VAMP5: variants seen among roughly 807,000 people sequenced by gnomAD.
The protein encoded by VAMP5 is vesicle-associated membrane protein 5.
Under a neutral mutation model 8.1 loss-of-function variants are expected in VAMP5, and 10 were observed. That is an observed-to-expected ratio of 1.23 (90% CI 0.76 to 2.09). The LOEUF (loss-of-function observed/expected upper bound fraction) is 2.09, where lower values mean the gene tolerates loss of function less well. VAMP5 is among the 30% of genes most tolerant of loss of function. The pLI is 0.00. For synonymous variants in VAMP5, 62 were observed against 60.6 expected (o/e 1.02, Z -0.11); for missense variants, 135 against 152.5 (o/e 0.89, Z 0.60).
At chr2:85,591,960 C>A in intron 2 of VAMP5, 98 bp downstream of exon 2, 1 of 1,548,442 alleles carries the variant, frequency 6.5e-7, no homozygotes, top group Admixed American at 1.8e-5. Context: ...GGGGTTGAGG[C>A]CTTCTTGAGG....
chr2:85,584,712 G>T (rs757600006), intron 1 of VAMP5, among the ~76,000 whole-genome samples: 1 of 152,254 alleles, frequency 6.6e-6, no homozygotes, highest in East Asian at 1.9e-4. Flanking sequence ...TGGCTGCACC[G>T]CGCAGAGCGA....
intron 1 of VAMP5, among the ~76,000 whole-genome samples, chr2:85,589,280 G>C (rs1573350329): frequency 6.6e-6 from 1 of 152,308 alleles, no homozygotes; most frequent in East Asian, 1.9e-4. Context: ...TGCCAGCAGA[G>C]ACCTGTGTAT....
At chr2:85,591,078 C>A (rs1280555877) in intron 1 of VAMP5, among the ~76,000 whole-genome samples, 1 of 152,226 alleles carries the variant, frequency 6.6e-6, no homozygotes, top group Non-Finnish European at 1.5e-5. Flanking sequence ...ACCGGTACCA[C>A]TGAGGTTCCC....
chr2:85,593,203 T>G lies in VAMP5; in HGVS notation c.*46T>G. 1.2e-6 allele frequency: 2 copies of G among 1,605,586 alleles called. No individual in the cohort carries two copies. Among genetic ancestry groups the G allele is most frequent in the Non-Finnish European group, 1.7e-6 (2 of 1,175,716 alleles). On this transcript the variant is annotated 3_prime_UTR_variant, in exon 3 of 3. Coordinates refer to ENST00000306384, the MANE Select transcript of VAMP5 (RefSeq NM_006634.3). ...AAGCCAAATGGCTGCACTGGCCGAT[T>G]CTGGTCTCCAGAGGACCTTGGTGTT...
At position 85,593,188 on chromosome 2, in the gene VAMP5, G is replaced by C; in HGVS notation, c.*31G>C. On this transcript the variant is annotated 3_prime_UTR_variant, in exon 3 of 3. Coordinates refer to ENST00000306384, the MANE Select transcript of VAMP5 (RefSeq NM_006634.3). ...CTGGTCCTGAAGGAGAAGCCAAATG[G>C]CTGCACTGGCCGATTCTGGTCTCCA... 1 of 1,611,714 alleles carries C rather than the reference G, an allele frequency of 6.2e-7. No homozygotes were observed. Among genetic ancestry groups the C allele is most frequent in the Middle Eastern group, 1.7e-4 (1 of 5,728 alleles).
intron 1 of VAMP5, among the ~76,000 whole-genome samples, chr2:85,588,991 T>C (rs902052966): frequency 2.6e-5 from 4 of 152,118 alleles, no homozygotes; most frequent in African/African-American, 9.7e-5. Flanking sequence ...TCTTTAAGAA[T>C]AGGCACAATT....
At chr2:85,592,889 G>A in intron 2 of VAMP5, 59 bp from the exon 3 acceptor site, 1 of 1,596,050 alleles carries the variant, frequency 6.3e-7, no homozygotes. Context: ...GGGAGGAGCT[G>A]GCTCCCAGGC....
rs370476401 is a variant in VAMP5 at position 85,591,691 on chromosome 2, C to T, written c.4-34C>T. 1.3e-4 allele frequency: 208 copies of T among 1,613,548 alleles called. 2 individuals carry two copies. The South Asian group carries it at 1.5e-3, about 12-fold the overall frequency. On this transcript the variant is annotated intron_variant, in intron 1 of 2. Transcript: ENST00000306384. ...GGGCAGATGAGGGCCAGGTGGGGGC[C>T]TCATGCAGCCCTGACCTCGGGCTTG...
chr2:85,589,030 A>G (rs1672503070), intron 1 of VAMP5, among the ~76,000 whole-genome samples: 1 of 152,154 alleles, frequency 6.6e-6, no homozygotes, highest in African/African-American at 2.4e-5. Flanking sequence ...CATGCCTATA[A>G]TCCCAGCACT....
intron 1 of VAMP5, among the ~76,000 whole-genome samples, chr2:85,585,839 C>T (rs896505105): frequency 1.3e-5 from 2 of 152,202 alleles, no homozygotes; most frequent in South Asian, 2.1e-4. Flanking sequence ...CATCCCCTTT[C>T]CCTCCCTGGT....
chr2:85,586,244 G>A (rs528594968), intron 1 of VAMP5, among the ~76,000 whole-genome samples: 3 of 152,280 alleles, frequency 2.0e-5, no homozygotes, highest in African/African-American at 7.2e-5. Context: ...TGTGATCTTG[G>A]ACAGGTGATT....
At chr2:85,584,808 C>T (rs1366255079) in intron 1 of VAMP5, among the ~76,000 whole-genome samples, 1 of 152,248 alleles carries the variant, frequency 6.6e-6, no homozygotes, top group Non-Finnish European at 1.5e-5. Context: ...GATCCCAGCT[C>T]TGTGACCCGG....
In VAMP5 at chr2:85,591,883, T is replaced by C. The variant is rs751101156; in HGVS notation, c.141+21T>C. 13 of 1,613,496 alleles carry C rather than the reference T, an allele frequency of 8.1e-6. No homozygotes were observed. The East Asian group carries it at 1.3e-4, about 17-fold the overall frequency. ...ATATGGTGTGAGGCCTGGGGGAGCA[T>C]GGAGGGGAGGGGAGAGGATTGGGAA... On this transcript the variant is annotated intron_variant, in intron 2 of 2. Coordinates refer to ENST00000306384, the MANE Select transcript of VAMP5 (RefSeq NM_006634.3).
At chr2:85,586,261 C>G (rs1672458111) in intron 1 of VAMP5, among the ~76,000 whole-genome samples, 1 of 152,150 alleles carries the variant, frequency 6.6e-6, no homozygotes, top group Admixed American at 6.5e-5. Context: ...GATTTAACAC[C>G]TCTGAGCCAA....
At chr2:85,585,793 C>T (rs1285193541) in intron 1 of VAMP5, among the ~76,000 whole-genome samples, 1 of 152,208 alleles carries the variant, frequency 6.6e-6, no homozygotes, top group African/African-American at 2.4e-5. Context: ...TTTCTTCTTT[C>T]ACTCTTGCCC....
chr2:85,588,446 C>T (rs1161474603), intron 1 of VAMP5, among the ~76,000 whole-genome samples: 2 of 152,140 alleles, frequency 1.3e-5, no homozygotes, highest in Non-Finnish European at 2.9e-5. Flanking sequence ...ATTCCAAGCC[C>T]TGCAGGCTTC....
rs1672487652 is a variant in VAMP5 at position 85,587,858 on chromosome 2, T to A, written c.3+3365T>A. ...CCCTGCTCCTAGTCTCTGAGCTGAGTGCCGACTTAGGGAGGCAATGTTATA... is the reference window on the plus strand; with the variant it reads ...CCCTGCTCCTAGTCTCTGAGCTGAGAGCCGACTTAGGGAGGCAATGTTATA... On this transcript the variant is annotated intron_variant, in intron 1 of 2. Transcript: ENST00000306384. Among the ~76,000 whole-genome samples, 8 of 152,290 alleles carry A rather than the reference T, an allele frequency of 5.3e-5. No individual in the cohort carries two copies. The South Asian group carries it at 1.5e-3, about 28-fold the overall frequency.
intron 1 of VAMP5, among the ~76,000 whole-genome samples, chr2:85,586,740 G>A (rs561148972): frequency 6.6e-6 from 1 of 151,748 alleles, no homozygotes; most frequent in African/African-American, 2.4e-5. Flanking sequence ...TCTTGCTCAA[G>A]ATGTAAAACC....
At chr2:85,585,419 G>T (rs1398360896) in intron 1 of VAMP5, among the ~76,000 whole-genome samples, 1 of 152,246 alleles carries the variant, frequency 6.6e-6, no homozygotes, top group Non-Finnish European at 1.5e-5. Context: ...CTGGCTAGGG[G>T]TCAATGCCTG....
Sources: gnomAD v4.1 joint callset for allele counts (sites outside exome capture counted in the v4.1 genomes callset) on GRCh38, gnomAD v4.1.1 for gene constraint, MANE v1.5 for transcripts, NCBI Gene and HGNC (gene_info 2026-07-23, HGNC 2026-07-21) for gene names.